DMD: variants seen among roughly 807,000 people sequenced by gnomAD.
DMD encodes mutant dystrophin.
A neutral mutation model predicts 330.1 loss-of-function variants in DMD; 63 were observed. The observed-to-expected ratio is 0.19, with a 90% CI of 0.16 to 0.24. DMD has a LOEUF of 0.24. Among genes scored for constraint, DMD ranks in the 10% least tolerant of loss-of-function variants. DMD has a pLI of 1.00. For synonymous variants in DMD, 1,223 were observed against 959.8 expected, an observed-to-expected ratio of 1.27 and a Z score of -5.07; for missense variants, 3,344 against 2,684.1, an observed-to-expected ratio of 1.25 and a Z score of -5.43.
chrX:32,170,767 T>G (rs1466687078), intron 44 of DMD, among the ~76,000 whole-genome samples: 1 of 110,618 alleles, frequency 9.0e-6, no homozygotes, highest in Non-Finnish European at 1.9e-5. Flanking sequence ...TCTCTGTCTC[T>G]ACCAAATGAA....
intron 2 of DMD, among the ~76,000 whole-genome samples, chrX:32,882,178 G>C (rs866655673): frequency 8.9e-6 from 1 of 111,876 alleles, no homozygotes; most frequent in African/African-American, 3.2e-5. Flanking sequence ...ATCCCAGAGA[G>C]GGTAGCACCA....
At chrX:32,422,186 A>C (rs149270941) in intron 29 of DMD, among the ~76,000 whole-genome samples, 2,866 of 111,457 alleles carry the variant, frequency 0.026, 60 homozygotes, top group South Asian at 0.071. Flanking sequence ...TGAACCTGAC[A>C]CATAATGCAC....
At chrX:31,454,951 CTTTT>C (rs61091457) in intron 59 of DMD, among the ~76,000 whole-genome samples, 1 of 80,184 alleles carries the variant, frequency 1.2e-5, no homozygotes, top group Non-Finnish European at 2.4e-5. Context: ...TTTTCTTTTT[CTTTT>C]TTTTTTTTTT....
At chrX:32,476,600 C>T (rs1363094529) in intron 21 of DMD, among the ~76,000 whole-genome samples, 1 of 111,988 alleles carries the variant, frequency 8.9e-6, no homozygotes, top group Non-Finnish European at 1.9e-5. Flanking sequence ...GCAGTAATTG[C>T]TATCAAGGTT....
At chrX:32,494,422 A>C (rs2043289190) in intron 19 of DMD, among the ~76,000 whole-genome samples, 1 of 111,337 alleles carries the variant, frequency 9.0e-6, no homozygotes, top group African/African-American at 3.3e-5. Context: ...AAGGCAGAGA[A>C]ATGACCGGTG....
At position 32,287,637 on chromosome X, in the gene DMD, G is replaced by A; in HGVS notation, c.6182C>T (p.Ala2061Val). The A allele has an allele frequency of 8.3e-7, 1 of 1,208,969 alleles. No homozygotes were observed. The highest frequency in any genetic ancestry group is 1.1e-6 in the Non-Finnish European group (1 of 893,403). The change falls in exon 43 of 79, where the codon GCA becomes GTA. Residue 2061 changes from alanine (A) to valine (V), a missense_variant. Physicochemically the swap from Ala to Val is moderately conservative, Grantham distance 64. Coordinates refer to ENST00000357033, the MANE Select transcript of DMD (RefSeq NM_004006.3). Reference protein sequence around the residue: ...RIDIIHSKKTAALQSATPVER... With the variant: ...RIDIIHSKKTVALQSATPVER... ...CACAGGCGTTGCACTTTGCAATGCT[G>A]CTGTCTTCTTGCTATGAATAATGTC... is the stretch of plus-strand genomic sequence containing the variant.
At chrX:31,339,595 G>A (rs1218939758) in intron 61 of DMD, among the ~76,000 whole-genome samples, 1 of 111,648 alleles carries the variant, frequency 9.0e-6, no homozygotes, top group Non-Finnish European at 1.9e-5. Context: ...ATTTTTTTGA[G>A]ATGCAGTTTC....
At chrX:31,354,039 T>C (rs2058551485) in intron 60 of DMD, among the ~76,000 whole-genome samples, 1 of 112,157 alleles carries the variant, frequency 8.9e-6, no homozygotes, top group Admixed American at 9.4e-5. Context: ...CACGAGGGTC[T>C]ATTCTTCAGA....
Position 31,268,234 on chromosome X carries a change from A to C in DMD, c.9225-7218T>G, listed in dbSNP as rs762078363. ...TTCTGCTCAACATTTTTCCCCCTAG[A>C]ATGTTTTAGGTGGAAGCACACCCGT... On this transcript the variant is annotated intron_variant, in intron 62 of 78. Coordinates refer to ENST00000357033, the MANE Select transcript of DMD (RefSeq NM_004006.3). Among the ~76,000 whole-genome samples the C allele has an allele frequency of 8.1e-5, 9 of 111,632 alleles. No homozygotes were observed. In the East Asian group the frequency reaches 2.5e-3, roughly 31 times the overall value.
At chrX:32,939,223 A>C (rs2090227128) in intron 2 of DMD, among the ~76,000 whole-genome samples, 1 of 106,646 alleles carries the variant, frequency 9.4e-6, no homozygotes, top group African/African-American at 3.4e-5. Context: ...TTTGAGATAT[A>C]TATGTATATA....
chrX:31,275,461 C>T (rs1311409657), intron 62 of DMD, among the ~76,000 whole-genome samples: 1 of 110,985 alleles, frequency 9.0e-6, no homozygotes, highest in African/African-American at 3.3e-5. Flanking sequence ...TGAACAAGAC[C>T]TTCACGTGGG....
At chrX:32,887,140 G>C (rs1193151645) in intron 2 of DMD, among the ~76,000 whole-genome samples, 1 of 110,782 alleles carries the variant, frequency 9.0e-6, no homozygotes, top group African/African-American at 3.3e-5. Context: ...GAGGTCAGGA[G>C]ATCGAGACCA....
rs564452345 is a variant in DMD, at chrX:32,031,347, A to G, written c.6439-62833T>C. Among the ~76,000 whole-genome samples the G allele has an allele frequency of 9.9e-5, 11 of 111,353 alleles. No individual in the cohort carries two copies. The South Asian group carries it at 4.2e-3, about 42-fold the overall frequency. On this transcript the variant is annotated intron_variant, in intron 44 of 78. Transcript: ENST00000357033. ...TCCTTGATTTTTATTAGTCCACAGT[A>G]GGTCATGAGGTCATCTTTGAACCTG...
At chrX:33,034,908 G>A (rs2094179158) in intron 1 of DMD, among the ~76,000 whole-genome samples, 2 of 111,944 alleles carry the variant, frequency 1.8e-5, no homozygotes, top group African/African-American at 3.2e-5. Flanking sequence ...ATATGGCATA[G>A]AAAGTGTCTG....
chrX:31,481,681 G>A (rs1381107914), intron 57 of DMD, among the ~76,000 whole-genome samples: 1 of 111,939 alleles, frequency 8.9e-6, no homozygotes, highest in East Asian at 2.8e-4. Context: ...ATGGAGATTA[G>A]ATCTGTAGCA....
chrX:32,752,146 G>A (rs182217900), intron 7 of DMD, among the ~76,000 whole-genome samples: 1 of 111,701 alleles, frequency 9.0e-6, no homozygotes, highest in East Asian at 2.8e-4. Context: ...TGAAAAGAGG[G>A]CCACTGTCCT....
chrX:32,618,215 CAT>C (rs1022710796), intron 11 of DMD, among the ~76,000 whole-genome samples: 1 of 112,171 alleles, frequency 8.9e-6, no homozygotes, highest in African/African-American at 3.2e-5. Context: ...CACATGCACA[CAT>C]ATGTTCGTGG....
chrX:33,258,737 G>A (rs2052900499), intron 1 of DMD, among the ~76,000 whole-genome samples: 1 of 110,760 alleles, frequency 9.0e-6, no homozygotes, highest in Admixed American at 9.7e-5. Context: ...ATTTTACACA[G>A]TCACTCCTAC....
chrX:31,226,542 G>GC, intron 63 of DMD, among the ~76,000 whole-genome samples: 1 of 111,880 alleles, frequency 8.9e-6, no homozygotes. Context: ...CCTTTAGTGA[G>GC]CAGAACTTGA....
Sources: allele counts gnomAD v4.1 joint callset (sites outside exome capture counted in the v4.1 genomes callset), GRCh38; gene constraint gnomAD v4.1.1; transcripts MANE v1.5; gene names NCBI Gene and HGNC (gene_info 2026-07-23, HGNC 2026-07-21).